Variants in JAK2 observed in about 807,000 individuals in gnomAD.
JAK2 encodes tyrosine-protein kinase JAK2.
A neutral mutation model predicts 139.3 loss-of-function variants in JAK2; 86 were observed. The ratio of observed to expected loss-of-function variants is 0.62; its 90% CI spans 0.52 to 0.74. The LOEUF (loss-of-function observed/expected upper bound fraction) is 0.74, where lower values mean the gene tolerates loss of function less well. Among genes scored for constraint, JAK2 ranks in the 30% least tolerant of loss-of-function variants. The pLI, the probability that JAK2 is intolerant of heterozygous loss-of-function variation, is 0.00. For missense variants in JAK2, 1,421 were observed against 1,360.3 expected, an observed-to-expected ratio of 1.04 and a Z score of -0.70; for synonymous variants, 490 against 437.7, an observed-to-expected ratio of 1.12 and a Z score of -1.49.
chr9:5,057,510 G>C (rs1362105506), intron 8 of JAK2, among the ~76,000 whole-genome samples: 1 of 150,228 alleles, frequency 6.7e-6, no homozygotes, highest in Admixed American at 6.6e-5. Flanking sequence ...CAAAATTGAA[G>C]TCTACACCCA....
At chr9:5,098,353 G>A (rs889131498) in intron 22 of JAK2, 2 of 152,170 alleles carry the variant, frequency 1.3e-5, no homozygotes, top group Non-Finnish European at 2.9e-5. Context: ...GGCTCATCCA[G>A]TTCAATTAGG....
At chr9:5,069,716 A>C (rs571844266) in intron 11 of JAK2, among the ~76,000 whole-genome samples, 2 of 152,148 alleles carry the variant, frequency 1.3e-5, no homozygotes, top group African/African-American at 4.8e-5. Flanking sequence ...TAAGGAAGTG[A>C]TTATAATTTT....
chr9:5,061,612 T>C (rs939062871), intron 8 of JAK2, among the ~76,000 whole-genome samples: 6 of 152,230 alleles, frequency 3.9e-5, no homozygotes, highest in African/African-American at 1.4e-4. Context: ...GGCTTTGGCT[T>C]AAGGGAATGT....
intron 3 of JAK2, among the ~76,000 whole-genome samples, chr9:5,026,461 A>G (rs1052860426): frequency 2.6e-5 from 4 of 152,242 alleles, no homozygotes; most frequent in Non-Finnish European, 1.5e-5. Flanking sequence ...TAAATTAAGA[A>G]TTTAAGTCTT....
intron 3 of JAK2, among the ~76,000 whole-genome samples, chr9:5,028,077 A>T (rs1457707536): frequency 2.0e-5 from 3 of 152,122 alleles, no homozygotes; most frequent in African/African-American, 7.2e-5. Flanking sequence ...TTTTTTATTT[A>T]CTTTGCTTAG....
At chr9:5,003,071 A>G (rs764948773) in intron 2 of JAK2, among the ~76,000 whole-genome samples, 2 of 151,924 alleles carry the variant, frequency 1.3e-5, no homozygotes, top group African/African-American at 2.4e-5. Context: ...TTTGGACTCT[A>G]TTCTGTTCCA....
At chr9:5,098,842 C>G (rs989571664) in intron 22 of JAK2, 1 of 152,230 alleles carries the variant, frequency 6.6e-6, no homozygotes, top group East Asian at 1.9e-4. Flanking sequence ...TACAGGCGAC[C>G]GCCACCATGC....
At chr9:5,020,127 A>T (rs1165205244) in intron 2 of JAK2, among the ~76,000 whole-genome samples, 1 of 152,160 alleles carries the variant, frequency 6.6e-6, no homozygotes, top group African/African-American at 2.4e-5. Flanking sequence ...TAGCAGTGGT[A>T]GGAGAACCTC....
At chr9:5,107,747 C>A (rs1822085301) in intron 22 of JAK2, among the ~76,000 whole-genome samples, 2 of 152,096 alleles carry the variant, frequency 1.3e-5, no homozygotes, top group Non-Finnish European at 2.9e-5. Context: ...AGGCATAATA[C>A]TGTCAATATT....
chr9:5,020,396 T>C (rs932690034), intron 2 of JAK2, among the ~76,000 whole-genome samples: 2 of 152,116 alleles, frequency 1.3e-5, no homozygotes, highest in African/African-American at 4.8e-5. Context: ...GGTGAGAGTA[T>C]CCTCAGGCCC....
At chr9:5,117,835 T>C (rs1037492327) in intron 22 of JAK2, among the ~76,000 whole-genome samples, 15 of 152,148 alleles carry the variant, frequency 9.9e-5, no homozygotes, top group South Asian at 2.1e-4. Flanking sequence ...AGAGGGGACG[T>C]TGTATTAATG....
chr9:5,073,173 C>G (rs1204110018), intron 13 of JAK2, among the ~76,000 whole-genome samples: 1 of 152,172 alleles, frequency 6.6e-6, no homozygotes, highest in African/African-American at 2.4e-5. Context: ...TTGTTCTAAT[C>G]CAGAATACCA....
At chr9:5,012,797 G>T (rs1821785457) in intron 2 of JAK2, among the ~76,000 whole-genome samples, 2 of 152,164 alleles carry the variant, frequency 1.3e-5, no homozygotes. Context: ...TGTATGATGA[G>T]GTTGGAGAGG....
chr9:5,042,239 G>A (rs987709844), intron 4 of JAK2, among the ~76,000 whole-genome samples: 7 of 146,890 alleles, frequency 4.8e-5, no homozygotes, highest in Non-Finnish European at 1.0e-4. Flanking sequence ...CCGGGTTCCC[G>A]CCATTCTCCT....
chr9:5,027,831 C>T (rs982484699), intron 3 of JAK2, among the ~76,000 whole-genome samples: 4 of 152,178 alleles, frequency 2.6e-5, no homozygotes, highest in African/African-American at 9.7e-5. Flanking sequence ...CAAGTTTTAT[C>T]GTGAGATTAC....
intron 2 of JAK2, among the ~76,000 whole-genome samples, chr9:4,991,544 CAGTG>C (rs1271546288): frequency 6.6e-6 from 1 of 152,162 alleles, no homozygotes; most frequent in Non-Finnish European, 1.5e-5. Context: ...CTCACGTAAT[CAGTG>C]AGTCTTGTCT....
intron 4 of JAK2, among the ~76,000 whole-genome samples, chr9:5,035,250 C>A (rs905644294): frequency 2.0e-5 from 3 of 152,108 alleles, no homozygotes; most frequent in Non-Finnish European, 2.9e-5. Flanking sequence ...AATAGTTTAC[C>A]AACCAAAAAA....
At chr9:5,032,526 C>A (rs9886851) in intron 4 of JAK2, among the ~76,000 whole-genome samples, 1 of 152,178 alleles carries the variant, frequency 6.6e-6, no homozygotes, top group African/African-American at 2.4e-5. Flanking sequence ...CTCACATGGC[C>A]GGGTACTCCT....
At chr9:5,119,264 T>C (rs1823435370) in intron 22 of JAK2, among the ~76,000 whole-genome samples, 1 of 152,128 alleles carries the variant, frequency 6.6e-6, no homozygotes, top group African/African-American at 2.4e-5. Context: ...TGTGATTTTT[T>C]TAAAACCTGA....
Sources: allele counts gnomAD v4.1 joint callset (sites outside exome capture counted in the v4.1 genomes callset), GRCh38; gene constraint gnomAD v4.1.1; transcripts MANE v1.5; gene names NCBI Gene and HGNC (gene_info 2026-07-23, HGNC 2026-07-21).